Variants in OR51B5 observed in about 807,000 individuals in gnomAD.
OR51B5 encodes olfactory receptor 51B5.
For synonymous variants in OR51B5, 186 were observed against 144.8 expected (o/e 1.28, Z -2.04); for missense variants, 456 against 374.6 (o/e 1.22, Z -1.79).
intron 1 of OR51B5, chr11:5,362,523 T>A (rs1849300552): frequency 6.2e-6 from 1 of 160,340 alleles, no homozygotes; most frequent in Non-Finnish European, 1.4e-5. Flanking sequence ...AATTACCTAG[T>A]CAGAGAGCAG....
At chr11:5,453,950 C>T in intron 1 of OR51B5, 1 of 1,614,130 alleles carries the variant, frequency 6.2e-7, no homozygotes, top group Non-Finnish European at 8.5e-7. Flanking sequence ...GAAGCTTCAT[C>T]ACCCTTTTCC....
chr11:5,450,264 C>T (rs935108567), intron 1 of OR51B5, among the ~76,000 whole-genome samples: 3 of 152,108 alleles, frequency 2.0e-5, no homozygotes, highest in Non-Finnish European at 2.9e-5. Context: ...TGGCAGGCGC[C>T]TGTAATTCCA....
At chr11:5,359,557 G>C (rs1177441185) in intron 1 of OR51B5, among the ~76,000 whole-genome samples, 2 of 136,510 alleles carry the variant, frequency 1.5e-5, no homozygotes, top group Non-Finnish European at 3.3e-5. Flanking sequence ...TCATGAAAAT[G>C]GCCATACAGC....
chr11:5,459,246 G>C (rs1364759011), intron 1 of OR51B5, among the ~76,000 whole-genome samples: 2 of 152,160 alleles, frequency 1.3e-5, no homozygotes, highest in Non-Finnish European at 2.9e-5. Context: ...TTAAAGAGAT[G>C]AATCACATTT....
chr11:5,340,429 A>C (rs1589940070), downstream of OR51B5: 2 of 147,736 alleles, frequency 1.4e-5, no homozygotes, highest in African/African-American at 5.0e-5. Flanking sequence ...TGTCATTAAC[A>C]ATTCTAAGCA....
intron 1 of OR51B5, among the ~76,000 whole-genome samples, chr11:5,428,346 A>G (rs1436956561): frequency 6.6e-6 from 1 of 152,198 alleles, no homozygotes; most frequent in Non-Finnish European, 1.5e-5. Context: ...AGTCTGTTAA[A>G]TGTTCAGTAG....
intron 1 of OR51B5, among the ~76,000 whole-genome samples, chr11:5,353,803 A>ATGG (rs1849140957): frequency 1.3e-5 from 2 of 152,296 alleles, no homozygotes; most frequent in South Asian, 4.1e-4. Flanking sequence ...CTGCCCACCT[A>ATGG]CTCTTCATCA....
chr11:5,502,124 T>A (rs1289579583), intron 1 of OR51B5, among the ~76,000 whole-genome samples: 1 of 152,220 alleles, frequency 6.6e-6, no homozygotes, highest in African/African-American at 2.4e-5. Flanking sequence ...AACCCTATTC[T>A]AAGCCAGTAC....
chr11:5,505,245 A>C, intron 1 of OR51B5: 1 of 1,146,610 alleles, frequency 8.7e-7, no homozygotes. Flanking sequence ...TAACATTGCT[A>C]TTAGGTTTTT....
chr11:5,375,709 A>G (rs1849515932), intron 1 of OR51B5, among the ~76,000 whole-genome samples: 1 of 152,122 alleles, frequency 6.6e-6, no homozygotes, highest in Non-Finnish European at 1.5e-5. Context: ...CAAAAGAGAC[A>G]AAGAAGGCCA....
intron 1 of OR51B5, among the ~76,000 whole-genome samples, chr11:5,424,995 A>G (rs1381853946): frequency 1.4e-5 from 2 of 144,234 alleles, no homozygotes; most frequent in Middle Eastern, 3.6e-3. Context: ...AAAAAAAAAA[A>G]AAGAAGTGAA....
At chr11:5,370,031 C>A (rs1245720585) in intron 1 of OR51B5, among the ~76,000 whole-genome samples, 2 of 152,120 alleles carry the variant, frequency 1.3e-5, no homozygotes, top group Non-Finnish European at 2.9e-5. Context: ...CTCTGCATGG[C>A]CCCAGGAGAG....
At chr11:5,407,573 A>G (rs1850077343) in intron 1 of OR51B5, among the ~76,000 whole-genome samples, 3 of 152,022 alleles carry the variant, frequency 2.0e-5, no homozygotes, top group Admixed American at 6.6e-5. Context: ...GCTATTCACC[A>G]TGAGTTAATA....
At chr11:5,400,270 G>A (rs7930363) in intron 1 of OR51B5, among the ~76,000 whole-genome samples, 31 of 151,940 alleles carry the variant, frequency 2.0e-4, no homozygotes, top group African/African-American at 7.0e-4. Flanking sequence ...CTTGTATTTA[G>A]TCTATTTAGT....
chr11:5,451,089 G>T (rs190563068), intron 1 of OR51B5, among the ~76,000 whole-genome samples: 1 of 152,316 alleles, frequency 6.6e-6, no homozygotes, highest in African/African-American at 2.4e-5. Flanking sequence ...AAAGTTCCTT[G>T]CAGAGCAGCT....
chr11:5,480,257 A>T (rs1383443476), intron 1 of OR51B5, among the ~76,000 whole-genome samples: 2 of 150,696 alleles, frequency 1.3e-5, no homozygotes, highest in African/African-American at 4.9e-5. Flanking sequence ...CTGAATGACT[A>T]CTGGATACAT....
At chr11:5,368,052 GGT>G (rs553519434) in intron 1 of OR51B5, among the ~76,000 whole-genome samples, 2 of 152,212 alleles carry the variant, frequency 1.3e-5, no homozygotes, top group African/African-American at 4.8e-5. Flanking sequence ...AGCTTCACTT[GGT>G]TCTTTGCTCC....
At chr11:5,444,321 A>G (rs576146804) in intron 1 of OR51B5, among the ~76,000 whole-genome samples, 10 of 152,300 alleles carry the variant, frequency 6.6e-5, no homozygotes, top group South Asian at 6.2e-4. Context: ...TTCAAATCGT[A>G]GGCTTTTAAA....
At chr11:5,371,011 T>C (rs1013101716) in intron 1 of OR51B5, among the ~76,000 whole-genome samples, 2 of 152,150 alleles carry the variant, frequency 1.3e-5, no homozygotes, top group African/African-American at 2.4e-5. Flanking sequence ...TTACACATGA[T>C]TGGGGCTACC....
Sources: gnomAD v4.1 joint callset for allele counts (sites outside exome capture counted in the v4.1 genomes callset) on GRCh38, gnomAD v4.1.1 for gene constraint, MANE v1.5 for transcripts, NCBI Gene and HGNC (gene_info 2026-07-23, HGNC 2026-07-21) for gene names.